The following ITGAE variants were observed in gnomAD, a reference collection of about 807,000 sequenced individuals.
ITGAE encodes integrin alpha-E.
Under a neutral mutation model 136.5 loss-of-function variants are expected in ITGAE, and 99 were observed. That is an observed-to-expected ratio of 0.73 (90% CI 0.62 to 0.86). The LOEUF is 0.86. Among genes scored for constraint, ITGAE ranks in the 40% least tolerant of loss-of-function variants. The pLI is 0.00. For synonymous variants in ITGAE, 613 were observed against 591.8 expected (o/e 1.04, Z -0.52); for missense variants, 1,447 against 1,515.3 (o/e 0.95, Z 0.75).
chr17:3,727,678 T>C (rs941922925), intron 26 of ITGAE, among the ~76,000 whole-genome samples: 1 of 152,106 alleles, frequency 6.6e-6, no homozygotes, highest in Non-Finnish European at 1.5e-5. Context: ...GGATTACAGG[T>C]GTGAGCCACC....
intron 26 of ITGAE, chr17:3,724,435 C>T: frequency 1.2e-6 from 2 of 1,613,434 alleles, no homozygotes; most frequent in Non-Finnish European, 8.5e-7. Flanking sequence ...ATCAGTGCCT[C>T]CCTGTTCAGC....
At chr17:3,718,920 T>C (rs1182131165) in intron 29 of ITGAE, among the ~76,000 whole-genome samples, 3 of 152,152 alleles carry the variant, frequency 2.0e-5, no homozygotes, top group Non-Finnish European at 4.4e-5. Context: ...TCCATTTCCC[T>C]CTATTTTCTG....
At position 3,798,509 on chromosome 17, in the gene ITGAE, T is replaced by G. The variant is rs930598106; in HGVS notation, c.34+2602A>C. Among the ~76,000 whole-genome samples the G allele has an allele frequency of 3.3e-5, 5 of 152,072 alleles. No individual in the cohort carries two copies. Among genetic ancestry groups the G allele is most frequent in the African/African-American group, 1.2e-4 (5 of 41,402 alleles). On this transcript the variant is annotated intron_variant, in intron 1 of 30. Transcript: ENST00000263087. This position sits in a 1 kb window ranked among gnomAD's most constrained non-coding sequence, Gnocchi z 4.3. ...AAGGCCCCTCTGCTCACCCCCAGCC[T>G]GTACTTGCCAAGGACCTCCCCGTCC...
At chr17:3,778,273 T>C (rs1567552362) in intron 1 of ITGAE, among the ~76,000 whole-genome samples, 1 of 152,046 alleles carries the variant, frequency 6.6e-6, no homozygotes. Context: ...CCAAAAATCA[T>C]TATGCTGGCC....
intron 1 of ITGAE, among the ~76,000 whole-genome samples, chr17:3,792,624 C>T (rs1597373714): frequency 6.6e-6 from 1 of 152,198 alleles, no homozygotes; most frequent in South Asian, 2.1e-4. Context: ...ATGTAGATCA[C>T]GCAGTGCCAG....
intron 2 of ITGAE, among the ~76,000 whole-genome samples, chr17:3,773,288 G>A (rs1461264361): frequency 2.0e-5 from 3 of 151,808 alleles, no homozygotes; most frequent in African/African-American, 4.8e-5. Flanking sequence ...TCAGGAGTTC[G>A]AGACCAGCCT....
At chr17:3,725,915 C>T (rs1567513524) in intron 26 of ITGAE, 9 of 1,613,290 alleles carry the variant, frequency 5.6e-6, no homozygotes, top group Non-Finnish European at 7.6e-6. Context: ...TAAAGAAAAC[C>T]AGCCTCAAAA....
chr17:3,800,258 G>A (rs2053219381), intron 1 of ITGAE, among the ~76,000 whole-genome samples: 1 of 152,170 alleles, frequency 6.6e-6, no homozygotes, highest in African/African-American at 2.4e-5. Flanking sequence ...TCCCCTCCCA[G>A]CACAGCCTCA....
intron 12 of ITGAE, 60 bp downstream of exon 12, chr17:3,755,057 A>G (rs1486430947): frequency 9.1e-6 from 3 of 330,394 alleles, no homozygotes; most frequent in Non-Finnish European, 1.3e-5. Context: ...TCGCCCAGGG[A>G]GCCTCCAGGC....
In ITGAE at chr17:3,733,422, G is replaced by C. The variant is rs538363117; in HGVS notation, c.2656-956C>G. ...GGAAAACTACACTTTGGTTTTGTTT[G>C]TTTGTTTGTTTGTTTTTGAGACAGA... On this transcript the variant is annotated intron_variant, in intron 21 of 30. Coordinates refer to ENST00000263087, the MANE Select transcript of ITGAE (RefSeq NM_002208.5). Among the ~76,000 whole-genome samples, 19 of 152,160 alleles carry C rather than the reference G, an allele frequency of 1.2e-4. No homozygotes were observed. In the South Asian group the frequency reaches 3.9e-3, roughly 32 times the overall value.
intron 24 of ITGAE, chr17:3,728,623 T>G (rs1230813319): frequency 6.0e-6 from 1 of 167,286 alleles, no homozygotes; most frequent in Admixed American, 5.7e-5. Context: ...TCCACCCACC[T>G]CAGCCTCCCA....
intron 17 of ITGAE, among the ~76,000 whole-genome samples, chr17:3,746,741 T>C (rs181080437): frequency 5.5e-4 from 83 of 151,656 alleles, no homozygotes; most frequent in African/African-American, 1.9e-3. Context: ...TACAGGCATC[T>C]GTCACCACAC....
intron 30 of ITGAE, among the ~76,000 whole-genome samples, chr17:3,715,150 C>T (rs902657589): frequency 6.6e-6 from 1 of 152,212 alleles, no homozygotes; most frequent in East Asian, 1.9e-4. Context: ...GAACTGACTC[C>T]ACCTTCCTCT....
At chr17:3,756,123 G>A (rs998238454) in intron 10 of ITGAE, among the ~76,000 whole-genome samples, 5 of 151,916 alleles carry the variant, frequency 3.3e-5, no homozygotes, top group Non-Finnish European at 5.9e-5. Flanking sequence ...CCTGGGAGAA[G>A]GGACTATGCC....
chr17:3,728,206 C>G, intron 24 of ITGAE, 38 bp from the exon 25 acceptor site: 1 of 1,516,906 alleles, frequency 6.6e-7, no homozygotes, highest in Non-Finnish European at 9.2e-7. Context: ...CTTGAGGAGT[C>G]TTTCTCCCTT....
At chr17:3,719,253 A>G (rs5818914) in intron 29 of ITGAE, among the ~76,000 whole-genome samples, 24,541 of 109,674 alleles carry the variant, frequency 0.22, 3,144 homozygotes, top group Admixed American at 0.3. Context: ...AAAAAAAAAA[A>G]AAAGAAAAGA....
chr17:3,761,578 C>T, intron 4 of ITGAE, 58 bp from the exon 5 acceptor site: 10 of 1,471,986 alleles, frequency 6.8e-6, no homozygotes, highest in East Asian at 2.3e-5. Flanking sequence ...TCCCGAGCCA[C>T]AGCCACATTC....
chr17:3,796,567 T>C (rs1010299482), intron 1 of ITGAE, among the ~76,000 whole-genome samples: 1 of 152,074 alleles, frequency 6.6e-6, no homozygotes, highest in African/African-American at 2.4e-5. Flanking sequence ...GAGAGAGTTA[T>C]AACCACAGGC....
chr17:3,796,095 GTGTGTGTGCATCCCTGTGTGCATCCC>G lies in ITGAE; in HGVS notation c.34+4990_34+5015del, dbSNP rs1423630415. Among the ~76,000 whole-genome samples the G allele has an allele frequency of 5.6e-3, 450 of 80,318 alleles. 17 individuals carry two copies. Among genetic ancestry groups the G allele is most frequent in the African/African-American group, 0.028 (409 of 14,386 alleles). The allele number at this position is 80,318 out of a possible 152,430, so 52.7% of individuals were successfully genotyped here. On this transcript the variant is annotated intron_variant, in intron 1 of 30. Transcript: ENST00000263087. ...TTTGTGCATCCCTGTGTATGCATCC[GTGTGTGTGCATCCCTGTGTGCATCCC>G]TGTGTGTGCATCCATGTGTGTGCAT...
Sources: gnomAD v4.1 joint callset for allele counts (sites outside exome capture counted in the v4.1 genomes callset) on GRCh38, gnomAD v4.1.1 for gene constraint, Gnocchi (gnomAD v3.1) non-coding constraint, MANE v1.5 for transcripts, NCBI Gene and HGNC (gene_info 2026-07-23, HGNC 2026-07-21) for gene names.